The following TCF20 variants were observed in gnomAD, a reference collection of about 807,000 sequenced individuals.
TCF20 encodes transcription factor 20.
In TCF20, 3 loss-of-function variants were observed where a neutral mutation model predicts 148.6. That is an observed-to-expected ratio of 0.02 (90% confidence interval 0.01 to 0.05). The LOEUF is 0.05. Ranked by LOEUF, TCF20 falls within the 10% of genes least tolerant of loss-of-function variation. The pLI is 1.00. For missense variants in TCF20, 2,350 were observed against 2,429.3 expected, an observed-to-expected ratio of 0.97 and a Z score of 0.69; for synonymous variants, 1,049 against 909.5, an observed-to-expected ratio of 1.15 and a Z score of -2.76.
At chr22:42,318,240 G>A (rs533771248) in intron 1 of TCF20, among the ~76,000 whole-genome samples, 20 of 152,340 alleles carry the variant, frequency 1.3e-4, no homozygotes, top group African/African-American at 4.3e-4. Flanking sequence ...ATGTCACGCC[G>A]AGCTATTTCC....
At chr22:42,240,741 A>C in intron 1 of TCF20, among the ~76,000 whole-genome samples, 1 of 152,154 alleles carries the variant, frequency 6.6e-6, no homozygotes, top group Middle Eastern at 3.2e-3. Context: ...GAACCTGTGA[A>C]CTGAGGCCCC....
intron 2 of TCF20, among the ~76,000 whole-genome samples, chr22:42,195,252 C>T (rs1825134494): frequency 6.6e-6 from 1 of 151,318 alleles, no homozygotes; most frequent in African/African-American, 2.4e-5. Context: ...TCATGAACAA[C>T]AAAGCCTCAT....
chr22:42,242,266 T>C (rs983492911), intron 1 of TCF20, among the ~76,000 whole-genome samples: 1 of 147,758 alleles, frequency 6.8e-6, no homozygotes, highest in African/African-American at 2.5e-5. Context: ...AATGTATCCC[T>C]GTATGGGTGG....
intron 1 of TCF20, among the ~76,000 whole-genome samples, chr22:42,268,283 A>T (rs1173769377): frequency 1.3e-5 from 2 of 152,238 alleles, no homozygotes; most frequent in Non-Finnish European, 2.9e-5. Context: ...AATTTAAGAC[A>T]AATTCTGAGG....
intron 1 of TCF20, among the ~76,000 whole-genome samples, chr22:42,294,742 C>A (rs1291336275): frequency 6.6e-6 from 1 of 152,252 alleles, no homozygotes; most frequent in Non-Finnish European, 1.5e-5. Flanking sequence ...TAGATGAGGA[C>A]AATGAGGCTC....
intron 2 of TCF20, among the ~76,000 whole-genome samples, chr22:42,201,677 A>T (rs1171793411): frequency 1.3e-5 from 2 of 151,940 alleles, no homozygotes; most frequent in Non-Finnish European, 2.9e-5. Flanking sequence ...CTGAGGCAGG[A>T]GAATTGCTTG....
At chr22:42,196,971 T>C (rs531799503) in intron 2 of TCF20, among the ~76,000 whole-genome samples, 1 of 152,262 alleles carries the variant, frequency 6.6e-6, no homozygotes, top group Non-Finnish European at 1.5e-5. Flanking sequence ...GACAGCAGTA[T>C]GCTGCCAACA....
chr22:42,243,858 A>G (rs1428119152), intron 1 of TCF20, among the ~76,000 whole-genome samples: 1 of 152,226 alleles, frequency 6.6e-6, no homozygotes, highest in Non-Finnish European at 1.5e-5. Context: ...ATGAACCACA[A>G]TGACACAGCA....
chr22:42,164,521 C>A (rs1310373668), intron 5 of TCF20, among the ~76,000 whole-genome samples: 4 of 152,324 alleles, frequency 2.6e-5, no homozygotes, highest in African/African-American at 9.6e-5. Context: ...CTGTGCCCGG[C>A]CTGGGATGCA....
At chr22:42,283,843 T>A (rs756040860) in exon 1 of TCF20, among the ~76,000 whole-genome samples, 1 of 152,110 alleles carries the variant, frequency 6.6e-6, no homozygotes, top group African/African-American at 2.4e-5. Context: ...AGCCGCATCC[T>A]TCCCTGGCCC....
intron 1 of TCF20, among the ~76,000 whole-genome samples, chr22:42,246,240 C>T (rs757138693): frequency 1.7e-4 from 26 of 152,128 alleles, no homozygotes; most frequent in Non-Finnish European, 2.8e-4. Context: ...GTGTAGCTGG[C>T]GTTACAGGCG....
intron 1 of TCF20, among the ~76,000 whole-genome samples, chr22:42,220,101 T>G (rs1055002894): frequency 6.6e-6 from 1 of 152,222 alleles, no homozygotes; most frequent in Non-Finnish European, 1.5e-5. Context: ...CCTTGCCCTC[T>G]TATAGAAAAC....
chr22:42,291,940 G>A (rs1404483604), intron 1 of TCF20, among the ~76,000 whole-genome samples: 1 of 152,080 alleles, frequency 6.6e-6, no homozygotes, highest in African/African-American at 2.4e-5. Context: ...AACCACAGAT[G>A]TGAGGGAGGA....
At chr22:42,240,702 TAACTCAGTA>T (rs750952072) in intron 1 of TCF20, among the ~76,000 whole-genome samples, 2 of 152,114 alleles carry the variant, frequency 1.3e-5, no homozygotes, top group South Asian at 2.1e-4. Flanking sequence ...TTATAACTCA[TAACTCAGTA>T]ACGCGCTCCT....
intron 1 of TCF20, among the ~76,000 whole-genome samples, chr22:42,328,172 G>T (rs1182694148): frequency 6.6e-6 from 1 of 152,060 alleles, no homozygotes; most frequent in Admixed American, 6.6e-5. Flanking sequence ...GCCATGCAGG[G>T]GGCGTGAGCT....
chr22:42,307,169 G>T (rs766678301), intron 1 of TCF20, among the ~76,000 whole-genome samples: 4 of 152,142 alleles, frequency 2.6e-5, no homozygotes, highest in African/African-American at 4.8e-5. Flanking sequence ...ACCAAGGGAG[G>T]CAGCAGCAGA....
chr22:42,240,709 G>A (rs1007958181), intron 1 of TCF20, among the ~76,000 whole-genome samples: 4 of 152,174 alleles, frequency 2.6e-5, no homozygotes, highest in Non-Finnish European at 2.9e-5. Flanking sequence ...TCATAACTCA[G>A]TAACGCGCTC....
intron 1 of TCF20, among the ~76,000 whole-genome samples, chr22:42,315,672 G>A (rs1207462358): frequency 6.6e-6 from 1 of 152,084 alleles, no homozygotes; most frequent in Non-Finnish European, 1.5e-5. Context: ...AGAGAGGGGG[G>A]CACATAAGAC....
At chr22:42,271,023 C>A (rs1926597511), upstream of TCF20, among the ~76,000 whole-genome samples, 1 of 152,108 alleles carries the variant, frequency 6.6e-6, no homozygotes, top group African/African-American at 2.4e-5. Flanking sequence ...TCCCTGGAGC[C>A]TCCAACTCCA....
Sources: allele counts gnomAD v4.1 joint callset (sites outside exome capture counted in the v4.1 genomes callset), GRCh38; gene constraint gnomAD v4.1.1; transcripts MANE v1.5; gene names NCBI Gene and HGNC (gene_info 2026-07-23, HGNC 2026-07-21).